LRRTM4: variants seen among roughly 807,000 people sequenced by gnomAD.
LRRTM4 encodes the protein leucine-rich repeat transmembrane neuronal protein 4.
A neutral mutation model predicts 47.6 loss-of-function variants in LRRTM4; 25 were observed. That is an observed-to-expected ratio of 0.53 (90% CI 0.38 to 0.73). The LOEUF is 0.73. Ranked by LOEUF, LRRTM4 falls within the 30% of genes least tolerant of loss-of-function variation. The probability of loss-of-function intolerance (pLI) is 0.00; values close to 1 mark genes in which losing one functional copy is unlikely to be tolerated. For missense variants in LRRTM4, 638 were observed against 713.4 expected (o/e 0.89, Z 1.20); for synonymous variants, 311 against 269.5 (o/e 1.15, Z -1.51).
chr2:76,797,481 G>A (rs1352543952), intron 3 of LRRTM4, among the ~76,000 whole-genome samples: 1 of 152,058 alleles, frequency 6.6e-6, no homozygotes, highest in East Asian at 1.9e-4. Context: ...AACATGGAAA[G>A]GAACAACCGG....
intron 3 of LRRTM4, among the ~76,000 whole-genome samples, chr2:77,423,506 G>A (rs1238164207): frequency 6.6e-6 from 1 of 151,938 alleles, no homozygotes; most frequent in Non-Finnish European, 1.5e-5. Context: ...AAAAGTTCAG[G>A]GCTAGTAGCA....
At chr2:76,807,204 T>C (rs1004680093) in intron 3 of LRRTM4, among the ~76,000 whole-genome samples, 5 of 151,704 alleles carry the variant, frequency 3.3e-5, no homozygotes, top group Non-Finnish European at 7.4e-5. Flanking sequence ...TGTTTGACTA[T>C]GGGAATAGTC....
At chr2:77,407,120 A>G (rs544116129) in intron 3 of LRRTM4, among the ~76,000 whole-genome samples, 39 of 152,306 alleles carry the variant, frequency 2.6e-4, no homozygotes, top group African/African-American at 8.2e-4. Context: ...TTTCAAGGAA[A>G]CCTTACAAAG....
At chr2:77,200,746 A>C (rs1485758756) in intron 3 of LRRTM4, among the ~76,000 whole-genome samples, 1 of 152,148 alleles carries the variant, frequency 6.6e-6, no homozygotes, top group East Asian at 1.9e-4. Context: ...GGGAGTTTGA[A>C]ATGATTTGTT....
Position 77,202,943 on chromosome 2 carries a change from C to T in LRRTM4, c.1551+315375G>A, listed in dbSNP as rs186536012. On this transcript the variant is annotated intron_variant, in intron 3 of 3. Coordinates refer to ENST00000409884, the MANE Select transcript of LRRTM4 (RefSeq NM_001134745.3). Reference sequence around the variant, plus strand: ...GCCAGAGTGAAATCTAAAGGAGTAGCTTTGAGTGCTTTGGAAGGCCCTCAG... The same window carrying T: ...GCCAGAGTGAAATCTAAAGGAGTAGTTTTGAGTGCTTTGGAAGGCCCTCAG... 1.1e-3 allele frequency among the ~76,000 whole-genome samples: 170 copies of T among 152,122 alleles called. 2 individuals carry two copies. The highest frequency in any genetic ancestry group is 3.3e-3 in the African/African-American group (136 of 41,526).
chr2:76,898,943 T>A (rs1573277919), intron 3 of LRRTM4, among the ~76,000 whole-genome samples: 1 of 152,068 alleles, frequency 6.6e-6, no homozygotes, highest in African/African-American at 2.4e-5. Flanking sequence ...AAGGTTAATC[T>A]TCCCAGAAAC....
intron 3 of LRRTM4, among the ~76,000 whole-genome samples, chr2:76,922,437 T>G (rs1434324702): frequency 6.6e-6 from 1 of 152,010 alleles, no homozygotes; most frequent in Admixed American, 6.6e-5. Flanking sequence ...AGAACTCACT[T>G]ACTGTCAGAA....
intron 3 of LRRTM4, among the ~76,000 whole-genome samples, chr2:77,073,735 C>A (rs1361744834): frequency 6.6e-6 from 1 of 151,878 alleles, no homozygotes. Flanking sequence ...CATTTCCCTT[C>A]CTTTATAATG....
chr2:76,807,488 A>G (rs906578039), intron 3 of LRRTM4, among the ~76,000 whole-genome samples: 65 of 138,430 alleles, frequency 4.7e-4, no homozygotes, highest in Middle Eastern at 7.6e-3. Context: ...ATATATATAC[A>G]TATATATATA....
intron 3 of LRRTM4, among the ~76,000 whole-genome samples, chr2:77,233,606 C>T (rs554263933): frequency 6.6e-6 from 1 of 152,202 alleles, no homozygotes; most frequent in East Asian, 1.9e-4. Flanking sequence ...TACAGTTTGA[C>T]TACAACATTT....
At chr2:77,421,376 G>A (rs888099256) in intron 3 of LRRTM4, among the ~76,000 whole-genome samples, 1 of 152,042 alleles carries the variant, frequency 6.6e-6, no homozygotes, top group Non-Finnish European at 1.5e-5. Flanking sequence ...TACCATTTTA[G>A]TTGTCACATC....
chr2:76,953,521 G>T (rs747151392), intron 3 of LRRTM4, among the ~76,000 whole-genome samples: 1 of 151,826 alleles, frequency 6.6e-6, no homozygotes, highest in Non-Finnish European at 1.5e-5. Flanking sequence ...GAGAAGAGTA[G>T]AACATACATC....
intron 3 of LRRTM4, among the ~76,000 whole-genome samples, chr2:77,339,574 A>G (rs1671293453): frequency 1.3e-5 from 2 of 152,068 alleles, no homozygotes; most frequent in South Asian, 4.1e-4. Flanking sequence ...AGATGAAGAA[A>G]TGAGACACTT....
intron 3 of LRRTM4, among the ~76,000 whole-genome samples, chr2:76,796,055 T>C (rs4853276): frequency 0.3 from 31,846 of 105,584 alleles, 7,307 homozygotes; most frequent in Admixed American, 0.39. Context: ...AGGGGTGATG[T>C]ACTGCACCTG....
intron 3 of LRRTM4, among the ~76,000 whole-genome samples, chr2:77,408,036 C>G (rs2103852572): frequency 6.6e-6 from 1 of 152,096 alleles, no homozygotes; most frequent in South Asian, 2.1e-4. Context: ...AAATCAAAGT[C>G]TATAGTCACA....
chr2:77,096,724 A>G (rs893895635), intron 3 of LRRTM4, among the ~76,000 whole-genome samples: 1 of 151,650 alleles, frequency 6.6e-6, no homozygotes, highest in South Asian at 2.1e-4. Flanking sequence ...AGTACTACAC[A>G]TTGACAACAT....
At chr2:76,810,744 A>G (rs1260583705) in intron 3 of LRRTM4, among the ~76,000 whole-genome samples, 1 of 152,110 alleles carries the variant, frequency 6.6e-6, no homozygotes, top group Non-Finnish European at 1.5e-5. Context: ...CTTCAGTAGG[A>G]TTATTGGCCC....
intron 3 of LRRTM4, among the ~76,000 whole-genome samples, chr2:76,794,879 G>A (rs1675183782): frequency 6.6e-6 from 1 of 151,556 alleles, no homozygotes; most frequent in African/African-American, 2.4e-5. Flanking sequence ...ACATTTTTCT[G>A]ATTAAGAACC....
intron 3 of LRRTM4, among the ~76,000 whole-genome samples, chr2:76,882,771 C>G (rs925417753): frequency 1.3e-5 from 2 of 151,988 alleles, no homozygotes; most frequent in African/African-American, 4.8e-5. Context: ...TTTTTCCATT[C>G]AGGTTATTGT....
Sources: allele counts gnomAD v4.1 joint callset (sites outside exome capture counted in the v4.1 genomes callset), GRCh38; gene constraint gnomAD v4.1.1; transcripts MANE v1.5; gene names NCBI Gene and HGNC (gene_info 2026-07-23, HGNC 2026-07-21).